NPAS3: variants seen among roughly 807,000 people sequenced by gnomAD.
The protein encoded by NPAS3 is neuronal PAS domain protein 3.
In NPAS3, 14 loss-of-function variants were observed where a neutral mutation model predicts 73.1. That is an observed-to-expected ratio of 0.19 (90% CI 0.13 to 0.30). The LOEUF (loss-of-function observed/expected upper bound fraction) is 0.30. Ranked by LOEUF, NPAS3 falls within the 10% of genes least tolerant of loss-of-function variation. The probability of loss-of-function intolerance (pLI) is 1.00; values close to 1 mark genes in which losing one functional copy is unlikely to be tolerated. For missense variants in NPAS3, 1,096 were observed against 1,250.0 expected (o/e 0.88, Z 1.86); for synonymous variants, 620 against 541.5 (o/e 1.14, Z -2.01).
At chr14:33,690,200 G>A (rs145739764) in intron 6 of NPAS3, among the ~76,000 whole-genome samples, 327 of 152,224 alleles carry the variant, frequency 2.1e-3, no homozygotes, top group African/African-American at 7.7e-3. Context: ...GGAGAATGGT[G>A]TGGCGGTACT....
At chr14:33,130,297 A>G (rs1257227003) in intron 2 of NPAS3, among the ~76,000 whole-genome samples, 1 of 152,126 alleles carries the variant, frequency 6.6e-6, no homozygotes, top group Non-Finnish European at 1.5e-5. Context: ...TCTCATTTGT[A>G]GACTTAGACC....
At chr14:33,696,095 A>G (rs150510216) in intron 6 of NPAS3, among the ~76,000 whole-genome samples, 109 of 152,302 alleles carry the variant, frequency 7.2e-4, no homozygotes, top group African/African-American at 2.2e-3. Context: ...AATAGCGGTA[A>G]TAACTATTCA....
chr14:33,203,901 G>A (rs372286874), intron 2 of NPAS3, among the ~76,000 whole-genome samples: 1 of 152,272 alleles, frequency 6.6e-6, no homozygotes, highest in Non-Finnish European at 1.5e-5. Context: ...TCGCCACACC[G>A]ACTTCCACAA....
At position 33,543,946 on chromosome 14, in the gene NPAS3, CATATATATAT is replaced by C. The variant is rs35154724; in HGVS notation, c.469-16128_469-16119del. ...CATCTCAGACAGGTATGGCAAAGTG[CATATATATAT>C]ATATATATATATATATATATATATA... On this transcript the variant is annotated intron_variant, in intron 4 of 11. Transcript: ENST00000356141. Among the ~76,000 whole-genome samples the C allele has an allele frequency of 9.0e-3, 933 of 103,828 alleles. 1 individual carries two copies. The highest frequency in any genetic ancestry group is 0.013 in the Non-Finnish European group (568 of 44,588). The allele number at this position is 103,828 out of a possible 152,430, so 68.1% of individuals were successfully genotyped here.
chr14:33,696,777 T>C (rs1566437145), intron 6 of NPAS3, among the ~76,000 whole-genome samples: 1 of 152,192 alleles, frequency 6.6e-6, no homozygotes, highest in South Asian at 2.1e-4. Flanking sequence ...GTATGTTTTG[T>C]TTCTTGCTTT....
intron 5 of NPAS3, among the ~76,000 whole-genome samples, chr14:33,587,670 GCT>G (rs1049553964): frequency 3.3e-5 from 5 of 152,104 alleles, no homozygotes; most frequent in African/African-American, 1.2e-4. Context: ...TCTTCTTAAA[GCT>G]CTGATTTCGG....
At chr14:33,416,869 ACTT>A (rs2048169711) in intron 4 of NPAS3, among the ~76,000 whole-genome samples, 1 of 151,812 alleles carries the variant, frequency 6.6e-6, no homozygotes, top group South Asian at 2.1e-4. Context: ...TTTCCCTTCT[ACTT>A]CATTTATTTT....
At chr14:32,974,062 C>G (rs1245531104) in intron 1 of NPAS3, among the ~76,000 whole-genome samples, 1 of 152,082 alleles carries the variant, frequency 6.6e-6, no homozygotes, top group African/African-American at 2.4e-5. Context: ...AGTAAGTGGT[C>G]AGTTAATAAT....
chr14:33,080,396 G>A (rs564854189), intron 2 of NPAS3, among the ~76,000 whole-genome samples: 3 of 152,250 alleles, frequency 2.0e-5, no homozygotes, highest in South Asian at 2.1e-4. Context: ...GTGAGCCACC[G>A]CGCCCGGCCC....
chr14:33,590,473 G>T (rs541483514), intron 5 of NPAS3, among the ~76,000 whole-genome samples: 1 of 152,192 alleles, frequency 6.6e-6, no homozygotes, highest in South Asian at 2.1e-4. Flanking sequence ...ATATAGATTT[G>T]GGGGGTGGTT....
exon 8 of NPAS3, chr14:33,774,374 C>T (rs754900591): frequency 2.6e-5 from 42 of 1,614,008 alleles, no homozygotes; most frequent in Non-Finnish European, 3.3e-5. Context: ...CTGAGAGTGT[C>T]GCTGTCCCAC....
rs192806066 is a variant in NPAS3, at chr14:33,783,288, C to A, written c.1153+4716C>A. On this transcript the variant is annotated intron_variant, in intron 9 of 11. Coordinates refer to ENST00000356141, the Ensembl canonical transcript of NPAS3. ...GGCCAAATGCAGATAGCACGGGGGA[C>A]TTTTTTCTGTTTTCTGATCTCAGCC... is the stretch of plus-strand genomic sequence containing the variant. Among the ~76,000 whole-genome samples the A allele has an allele frequency of 1.7e-4, 26 of 152,206 alleles. No homozygotes were observed. In the East Asian group the frequency reaches 4.6e-3, roughly 27 times the overall value.
intron 4 of NPAS3, among the ~76,000 whole-genome samples, chr14:33,527,404 A>G (rs943524017): frequency 6.6e-6 from 1 of 152,168 alleles, no homozygotes; most frequent in African/African-American, 2.4e-5. Flanking sequence ...TGGTGCCTCA[A>G]TTCTGTCTAA....
intron 6 of NPAS3, among the ~76,000 whole-genome samples, chr14:33,699,501 G>C (rs2060472860): frequency 6.6e-6 from 1 of 152,128 alleles, no homozygotes; most frequent in African/African-American, 2.4e-5. Context: ...AAGGGCGCCA[G>C]GAAAGTGGCT....
chr14:33,122,790 A>G (rs766591639), intron 2 of NPAS3, among the ~76,000 whole-genome samples: 2 of 152,260 alleles, frequency 1.3e-5, no homozygotes, highest in South Asian at 2.1e-4. Context: ...AGCAGGAGAA[A>G]CAGAGACTGA....
chr14:33,728,868 T>C (rs575903923), intron 6 of NPAS3, among the ~76,000 whole-genome samples: 2 of 152,282 alleles, frequency 1.3e-5, no homozygotes, highest in African/African-American at 4.8e-5. Context: ...AAGGAGAGGA[T>C]TTAATGATCC....
At chr14:33,400,771 G>A (rs1465295298) in intron 4 of NPAS3, among the ~76,000 whole-genome samples, 2 of 151,946 alleles carry the variant, frequency 1.3e-5, no homozygotes, top group African/African-American at 2.4e-5. Flanking sequence ...TAGTAGGGGG[G>A]CGTGGTGGCA....
chr14:33,541,159 CACA>C lies in NPAS3; in HGVS notation c.469-18959_469-18957del, dbSNP rs1456973340. On this transcript the variant is annotated intron_variant, in intron 4 of 11. Transcript: ENST00000356141. ...CACACACACATTAGTAATAGGAACA[CACA>C]ACCTGTAATCAGCAGTTCTAAGTGC... 3.3e-5 allele frequency among the ~76,000 whole-genome samples: 5 copies of C among 151,592 alleles called. No homozygotes were observed. The East Asian group carries it at 9.8e-4, about 30-fold the overall frequency.
intron 2 of NPAS3, among the ~76,000 whole-genome samples, chr14:33,105,799 A>C (rs2042706869): frequency 6.6e-6 from 1 of 152,190 alleles, no homozygotes; most frequent in African/African-American, 2.4e-5. Flanking sequence ...AACAAAAACA[A>C]AAATCTTAGT....
Sources: gnomAD v4.1 joint callset for allele counts (sites outside exome capture counted in the v4.1 genomes callset) on GRCh38, gnomAD v4.1.1 for gene constraint, MANE v1.5 for transcripts, NCBI Gene and HGNC (gene_info 2026-07-23, HGNC 2026-07-21) for gene names.